ST6GALNAC5: variants seen among roughly 807,000 people sequenced by gnomAD.
ST6GALNAC5 encodes the protein ST6 N-acetylgalactosaminide alpha-2,6-sialyltransferase 5.
Under a neutral mutation model 33.6 loss-of-function variants are expected in ST6GALNAC5, and 27 were observed. The observed-to-expected ratio is 0.80, with a 90% CI of 0.59 to 1.11. The LOEUF is 1.11. Ranked by LOEUF, ST6GALNAC5 falls within the 50% of genes least tolerant of loss-of-function variation. The probability of loss-of-function intolerance (pLI) is 0.00; values close to 1 mark genes in which losing one functional copy is unlikely to be tolerated. For missense variants in ST6GALNAC5, 428 were observed against 454.0 expected, an observed-to-expected ratio of 0.94 and a Z score of 0.52; for synonymous variants, 194 against 171.2, an observed-to-expected ratio of 1.13 and a Z score of -1.04.
intron 2 of ST6GALNAC5, among the ~76,000 whole-genome samples, chr1:76,873,259 A>G (rs575206328): frequency 6.6e-6 from 1 of 152,204 alleles, no homozygotes; most frequent in Non-Finnish European, 1.5e-5. Flanking sequence ...CTTATGGACC[A>G]CATTCTTTAA....
chr1:76,955,259 G>A (rs1647910181), intron 2 of ST6GALNAC5, among the ~76,000 whole-genome samples: 1 of 152,080 alleles, frequency 6.6e-6, no homozygotes, highest in Non-Finnish European at 1.5e-5. Context: ...GGCCTGTCTG[G>A]GGACCTGACC....
intron 2 of ST6GALNAC5, among the ~76,000 whole-genome samples, chr1:77,028,273 C>T (rs1651322309): frequency 6.6e-6 from 1 of 152,212 alleles, no homozygotes; most frequent in South Asian, 2.1e-4. Flanking sequence ...CTAAGTCTTG[C>T]ACCTGAAAAA....
intron 2 of ST6GALNAC5, among the ~76,000 whole-genome samples, chr1:76,963,729 T>C (rs1373599399): frequency 6.6e-6 from 1 of 152,182 alleles, no homozygotes; most frequent in East Asian, 1.9e-4. Context: ...GATATCCATG[T>C]CCTAATCCCC....
chr1:76,945,069 A>G (rs1333469606), intron 2 of ST6GALNAC5, among the ~76,000 whole-genome samples: 2 of 152,102 alleles, frequency 1.3e-5, no homozygotes, highest in Admixed American at 1.3e-4. Flanking sequence ...GTCAGTGGGT[A>G]AAATGGCTTT....
intron 2 of ST6GALNAC5, among the ~76,000 whole-genome samples, chr1:76,929,839 A>G (rs1160646): frequency 0.58 from 88,535 of 151,566 alleles, 26,242 homozygotes; most frequent in African/African-American, 0.66. Flanking sequence ...GGCCAGGAGT[A>G]GGGGCTCATG....
intron 2 of ST6GALNAC5, among the ~76,000 whole-genome samples, chr1:76,913,422 T>C (rs572736999): frequency 0.035 from 5,391 of 151,930 alleles, 147 homozygotes; most frequent in Non-Finnish European, 0.053. Context: ...TCAAGGAGTA[T>C]CTTTGTGGCG....
chr1:76,911,229 A>G (rs182642126), intron 2 of ST6GALNAC5, among the ~76,000 whole-genome samples: 2 of 152,192 alleles, frequency 1.3e-5, no homozygotes, highest in East Asian at 3.9e-4. Flanking sequence ...GGTTCTGTTT[A>G]TATGCTGGAT....
chr1:76,990,221 A>G (rs1409435704), intron 2 of ST6GALNAC5, among the ~76,000 whole-genome samples: 2 of 152,130 alleles, frequency 1.3e-5, no homozygotes, highest in Non-Finnish European at 2.9e-5. Flanking sequence ...CACCAAAAAG[A>G]CGGTGCTTCT....
intron 2 of ST6GALNAC5, among the ~76,000 whole-genome samples, chr1:76,876,554 C>A (rs949579279): frequency 3.9e-5 from 6 of 152,208 alleles, no homozygotes; most frequent in African/African-American, 1.4e-4. Flanking sequence ...CCTTAAATTT[C>A]TTTGTCACCA....
rs575775331 is a variant in ST6GALNAC5, at chr1:76,900,802, A to G, written c.261+32060A>G. ...TCAGTAATTAAAAAATCATATTTAG[A>G]TACATTTATTACTAGTGAATGCTTT... is the stretch of plus-strand genomic sequence containing the variant. On this transcript the variant is annotated intron_variant, in intron 2 of 4. Transcript: ENST00000477717. Among the ~76,000 whole-genome samples the G allele has an allele frequency of 5.9e-5, 9 of 152,316 alleles. No homozygotes were observed. The South Asian group carries it at 1.5e-3, about 25-fold the overall frequency.
At chr1:76,911,305 G>A (rs1298854489) in intron 2 of ST6GALNAC5, among the ~76,000 whole-genome samples, 1 of 152,098 alleles carries the variant, frequency 6.6e-6, no homozygotes, top group African/African-American at 2.4e-5. Flanking sequence ...ACTTGATCAT[G>A]GTGGATAAGC....
In ST6GALNAC5 at chr1:77,006,598, A is replaced by C. The variant is rs139908200; in HGVS notation, c.262-37606A>C. Among the ~76,000 whole-genome samples the C allele has an allele frequency of 1.2e-3, 179 of 152,280 alleles. 3 individuals are homozygous for C. Among genetic ancestry groups the C allele is most frequent in the African/African-American group, 3.7e-3 (154 of 41,566 alleles). ...TCAACCTCCAAAGTGCTGGAATTACAGGCATGGACCACCATGCCAGGCCAG... is the reference window on the plus strand; with the variant it reads ...TCAACCTCCAAAGTGCTGGAATTACCGGCATGGACCACCATGCCAGGCCAG... On this transcript the variant is annotated intron_variant, in intron 2 of 4. Transcript: ENST00000477717.
At chr1:76,986,428 G>A (rs1231095576) in intron 2 of ST6GALNAC5, among the ~76,000 whole-genome samples, 3 of 152,172 alleles carry the variant, frequency 2.0e-5, no homozygotes, top group African/African-American at 7.2e-5. Flanking sequence ...CATCATCACT[G>A]GTTATTAGAG....
rs1314855233 is a variant in ST6GALNAC5 at position 77,067,083 on chromosome 1, G to A, written c.*3877G>A. Among the ~76,000 whole-genome samples, 3 of 152,164 alleles carry A rather than the reference G, an allele frequency of 2.0e-5. No homozygotes were observed. The highest frequency in any genetic ancestry group is 2.0e-4 in the Admixed American group (3 of 15,274). ...GACACAGACTTCAGTGCTAAAACCA[G>A]GGAAGTCCTGGGCTCCATGACAGTG... On this transcript the variant is annotated 3_prime_UTR_variant, in exon 5 of 5. Coordinates refer to ENST00000477717, the MANE Select transcript of ST6GALNAC5 (RefSeq NM_030965.3).
chr1:76,956,829 G>A (rs1648015426), intron 2 of ST6GALNAC5, among the ~76,000 whole-genome samples: 1 of 152,164 alleles, frequency 6.6e-6, no homozygotes, highest in Admixed American at 6.5e-5. Flanking sequence ...TGGGGAGGAG[G>A]GAGGGAAATG....
intron 2 of ST6GALNAC5, among the ~76,000 whole-genome samples, chr1:76,920,349 G>C (rs201401754): frequency 6.6e-6 from 1 of 152,144 alleles, no homozygotes; most frequent in African/African-American, 2.4e-5. Flanking sequence ...CATCTTAAAA[G>C]AAAACAGCCA....
At chr1:77,057,699 A>G (rs1032025634) in intron 4 of ST6GALNAC5, among the ~76,000 whole-genome samples, 1 of 152,208 alleles carries the variant, frequency 6.6e-6, no homozygotes, top group African/African-American at 2.4e-5. Flanking sequence ...TCTTTTATGA[A>G]CTGCATCAGA....
intron 4 of ST6GALNAC5, among the ~76,000 whole-genome samples, chr1:77,058,864 C>T (rs1434550597): frequency 1.3e-5 from 2 of 152,266 alleles, no homozygotes; most frequent in East Asian, 3.9e-4. Flanking sequence ...CAGATGCTCC[C>T]TATCAAATGG....
intron 2 of ST6GALNAC5, among the ~76,000 whole-genome samples, chr1:76,969,672 G>A (rs920539726): frequency 6.6e-6 from 1 of 152,178 alleles, no homozygotes; most frequent in African/African-American, 2.4e-5. Flanking sequence ...AAAGAGAGCA[G>A]TGGTTCTCCC....
Sources: allele counts gnomAD v4.1 joint callset (sites outside exome capture counted in the v4.1 genomes callset), GRCh38; gene constraint gnomAD v4.1.1; transcripts MANE v1.5; gene names NCBI Gene and HGNC (gene_info 2026-07-23, HGNC 2026-07-21).